CFAP20DC: variants seen among roughly 807,000 people sequenced by gnomAD.
The protein encoded by CFAP20DC is CFAP20 domain containing, also known as protein CFAP20DC.
CFAP20DC carries 84 observed loss-of-function variants against 101.7 expected under a neutral mutation model. That is an observed-to-expected ratio of 0.83 (90% CI 0.69 to 0.99). The LOEUF is 0.99. Ranked by LOEUF, CFAP20DC falls within the 50% of genes least tolerant of loss-of-function variation. The pLI is 0.00. For missense variants in CFAP20DC, 1,007 were observed against 970.3 expected (o/e 1.04, Z -0.50); for synonymous variants, 359 against 351.2 (o/e 1.02, Z -0.25).
chr3:58,837,929 A>C (rs528588648), intron 13 of CFAP20DC, among the ~76,000 whole-genome samples: 86 of 152,312 alleles, frequency 5.6e-4, no homozygotes, highest in Non-Finnish European at 9.7e-4. Context: ...TTTAAATAAT[A>C]GCTGATGGTA....
At chr3:58,951,576 C>T (rs1453820582) in intron 4 of CFAP20DC, among the ~76,000 whole-genome samples, 2 of 152,094 alleles carry the variant, frequency 1.3e-5, no homozygotes, top group Non-Finnish European at 2.9e-5. Flanking sequence ...ACTATGCAGC[C>T]ATAAAAAATG....
At chr3:58,952,003 C>T (rs1253757069) in intron 4 of CFAP20DC, among the ~76,000 whole-genome samples, 5 of 152,158 alleles carry the variant, frequency 3.3e-5, no homozygotes, top group Non-Finnish European at 5.9e-5. Context: ...CGTCTGAGTG[C>T]CCCGAAAGGC....
chr3:58,746,235 T>C (rs2068195135), intron 16 of CFAP20DC, among the ~76,000 whole-genome samples: 1 of 152,206 alleles, frequency 6.6e-6, no homozygotes, highest in African/African-American at 2.4e-5. Flanking sequence ...AAACTAATTT[T>C]TTCCATCAGG....
At chr3:58,937,160 A>C (rs1268939048) in intron 5 of CFAP20DC, among the ~76,000 whole-genome samples, 1 of 152,150 alleles carries the variant, frequency 6.6e-6, no homozygotes, top group Non-Finnish European at 1.5e-5. Context: ...CTGTCAGACC[A>C]ATGTTTCCTT....
rs567469513 is a variant in CFAP20DC, at chr3:58,837,168, T to C, written c.1972-5279A>G. Among the ~76,000 whole-genome samples the C allele has an allele frequency of 5.3e-5, 8 of 152,310 alleles. No homozygotes were observed. The South Asian group carries it at 1.7e-3, about 32-fold the overall frequency. ...GGATAAGAATGCCTGTAATTTACTC[T>C]AAACCTTAAGAGACCAGATGGCTTC... On this transcript the variant is annotated intron_variant, in intron 13 of 16. Transcript: ENST00000482387.
At position 59,019,287 on chromosome 3, in the gene CFAP20DC, T is replaced by C. The variant is rs115117563; in HGVS notation, c.278+20270A>G. On this transcript the variant is annotated intron_variant, in intron 4 of 16. Coordinates refer to ENST00000482387, the MANE Select transcript of CFAP20DC (RefSeq NM_001394063.1). Reference sequence around the variant, plus strand: ...CTGGTGGAGGCAGTTGTGTCTTGGCTAAGCCTGGTTGTTTCCTTTTCTCCT... The same window carrying C: ...CTGGTGGAGGCAGTTGTGTCTTGGCCAAGCCTGGTTGTTTCCTTTTCTCCT... Among the ~76,000 whole-genome samples, 775 of 152,164 alleles carry C rather than the reference T, an allele frequency of 5.1e-3. 5 individuals carry two copies. Among genetic ancestry groups the C allele is most frequent in the African/African-American group, 0.018 (756 of 41,530 alleles).
chr3:58,742,062 C>T lies in CFAP20DC; in HGVS notation c.*398G>A. ...TACAAATGCCATAAAATAAAAGGTA[C>T]CCAGGCATCTTTTAAGCAAAAATAC... On this transcript the variant is annotated 3_prime_UTR_variant, in exon 17 of 17. Coordinates refer to ENST00000482387, the MANE Select transcript of CFAP20DC (RefSeq NM_001394063.1). The T allele has an allele frequency of 1.0e-6, 1 of 968,674 alleles. No individual in the cohort carries two copies. The highest frequency in any genetic ancestry group is 4.8e-5 in the South Asian group (1 of 20,906). 60.0% of individuals were successfully genotyped at this position (968,674 alleles called of 1,614,324 possible).
chr3:58,759,108 G>A (rs1393359468), intron 15 of CFAP20DC, among the ~76,000 whole-genome samples: 18 of 152,188 alleles, frequency 1.2e-4, no homozygotes, highest in African/African-American at 2.2e-4. Flanking sequence ...CTGAGGAATC[G>A]CCACACTGAC....
chr3:58,985,950 G>A (rs2092735893), intron 4 of CFAP20DC, among the ~76,000 whole-genome samples: 2 of 152,306 alleles, frequency 1.3e-5, no homozygotes, highest in African/African-American at 4.8e-5. Flanking sequence ...CACTGGATGA[G>A]AGAATGTCCA....
At chr3:58,790,397 A>C (rs1422281711) in intron 15 of CFAP20DC, among the ~76,000 whole-genome samples, 3 of 152,168 alleles carry the variant, frequency 2.0e-5, no homozygotes, top group Non-Finnish European at 2.9e-5. Context: ...TGTGGCCCTA[A>C]ATGGGAACAG....
chr3:58,898,131 A>G (rs183665207), intron 6 of CFAP20DC, among the ~76,000 whole-genome samples: 1 of 149,876 alleles, frequency 6.7e-6, no homozygotes. Context: ...ATAGTCTTCA[A>G]GCTCTGAGAT....
At position 58,901,140 on chromosome 3, in the gene CFAP20DC, A is replaced by G. The variant is rs377027490; in HGVS notation, c.550+12568T>C. Among the ~76,000 whole-genome samples, 3 of 152,326 alleles carry G rather than the reference A, an allele frequency of 2.0e-5. No homozygotes were observed. The South Asian group carries it at 6.2e-4, about 32-fold the overall frequency. On this transcript the variant is annotated intron_variant, in intron 6 of 16. Transcript: ENST00000482387. Reference sequence around the variant, plus strand: ...CAGTGCCTAGCACAGTGCTTTAGTTATGTGGAATTTCACCTCTCTGAAACA... The same window carrying G: ...CAGTGCCTAGCACAGTGCTTTAGTTGTGTGGAATTTCACCTCTCTGAAACA...
chr3:58,828,980 C>T (rs2076221013), intron 14 of CFAP20DC, among the ~76,000 whole-genome samples: 1 of 152,078 alleles, frequency 6.6e-6, no homozygotes, highest in African/African-American at 2.4e-5. Context: ...ATGAAGATGC[C>T]TTCCAAATTC....
At chr3:58,886,919 G>C (rs1228451184) in intron 6 of CFAP20DC, among the ~76,000 whole-genome samples, 1 of 152,102 alleles carries the variant, frequency 6.6e-6, no homozygotes, top group African/African-American at 2.4e-5. Flanking sequence ...ATATGTGACT[G>C]TATGTAGTCA....
Position 58,884,817 on chromosome 3 carries a change from T to C in CFAP20DC, c.551-108A>G, listed in dbSNP as rs2081489411. 6 of 906,320 alleles carry C rather than the reference T, an allele frequency of 6.6e-6. No homozygotes were observed. The South Asian group carries it at 1.0e-4, about 16-fold the overall frequency. The allele number at this position is 906,320 out of a possible 1,614,324, so 56.1% of individuals were successfully genotyped here. On this transcript the variant is annotated intron_variant, in intron 6 of 16. Coordinates refer to ENST00000482387, the MANE Select transcript of CFAP20DC (RefSeq NM_001394063.1). ...AATTAAAGATTTTAGCGTATGACTT[T>C]GTACGAGTTATTCAACCTTTCAGCC...
chr3:58,983,767 T>G (rs1309439494), intron 4 of CFAP20DC, among the ~76,000 whole-genome samples: 1 of 152,172 alleles, frequency 6.6e-6, no homozygotes, highest in Non-Finnish European at 1.5e-5. Context: ...TGTTTAATCT[T>G]CAAGCAACCC....
At chr3:58,809,471 G>C (rs2074415265) in intron 14 of CFAP20DC, among the ~76,000 whole-genome samples, 1 of 152,180 alleles carries the variant, frequency 6.6e-6, no homozygotes, top group East Asian at 1.9e-4. Flanking sequence ...ATAACGAAAT[G>C]AAGGCAGAAA....
Position 58,729,119 on chromosome 3 carries a change from A to G in CFAP20DC, c.198-11491T>C, listed in dbSNP as rs1164071777. Among the ~76,000 whole-genome samples the G allele has an allele frequency of 1.3e-5, 2 of 152,206 alleles. No individual in the cohort carries two copies. Among genetic ancestry groups the G allele is most frequent in the East Asian group, 3.8e-4 (2 of 5,204 alleles). ...ACCAAAAAATCTTGACTGCAACCTC[A>G]TGAGAGACCCCAAGCCAGAACCACT... On this transcript the variant is annotated intron_variant, in intron 3 of 3. Transcript: ENST00000486145. This position sits in a 1 kb window ranked among gnomAD's most constrained non-coding sequence, Gnocchi z 4.4.
chr3:59,031,301 T>C (rs1471741777), intron 4 of CFAP20DC, among the ~76,000 whole-genome samples: 4 of 152,160 alleles, frequency 2.6e-5, no homozygotes, highest in African/African-American at 9.7e-5. Context: ...AAAGGCCAAC[T>C]ACCAGCACCC....
Sources: gnomAD v4.1 joint callset for allele counts (sites outside exome capture counted in the v4.1 genomes callset) on GRCh38, gnomAD v4.1.1 for gene constraint, Gnocchi (gnomAD v3.1) non-coding constraint, MANE v1.5 for transcripts, NCBI Gene and HGNC (gene_info 2026-07-23, HGNC 2026-07-21) for gene names.